PLXNA4: variants seen among roughly 807,000 people sequenced by gnomAD.
The protein encoded by PLXNA4 is plexin-A4.
A neutral mutation model predicts 191.8 loss-of-function variants in PLXNA4; 44 were observed. The observed-to-expected ratio is 0.23, with a 90% CI of 0.18 to 0.29. The LOEUF is 0.29. Ranked by LOEUF, PLXNA4 falls within the 10% of genes least tolerant of loss-of-function variation. PLXNA4 has a pLI of 1.00. For missense variants in PLXNA4, 1,800 were observed against 2,488.8 expected, an observed-to-expected ratio of 0.72 and a Z score of 5.89; for synonymous variants, 1,082 against 1,009.5, an observed-to-expected ratio of 1.07 and a Z score of -1.36.
chr7:132,426,046 GT>G (rs1795030863), intron 3 of PLXNA4, among the ~76,000 whole-genome samples: 1 of 152,236 alleles, frequency 6.6e-6, no homozygotes, highest in Non-Finnish European at 1.5e-5. Flanking sequence ...GCACAGGGCA[GT>G]TTCTGGTTGC....
chr7:132,152,040 T>C lies in PLXNA4; in HGVS notation c.4661-3394A>G, dbSNP rs116818808. 6.9e-3 allele frequency among the ~76,000 whole-genome samples: 1,048 copies of C among 152,314 alleles called. 10 individuals are homozygous for C. Among genetic ancestry groups the C allele is most frequent in the African/African-American group, 0.024 (988 of 41,554 alleles). On this transcript the variant is annotated intron_variant, in intron 25 of 31. Coordinates refer to ENST00000321063, the MANE Select transcript of PLXNA4 (RefSeq NM_020911.2). Reference sequence around the variant, plus strand: ...GGCCAGTTATGGTCTCTATTTTCCCTAGGCTCATCACGGAATGTCTCAAGA... The same window carrying C: ...GGCCAGTTATGGTCTCTATTTTCCCCAGGCTCATCACGGAATGTCTCAAGA...
chr7:132,430,678 T>C (rs1347974981), intron 3 of PLXNA4, among the ~76,000 whole-genome samples: 1 of 152,226 alleles, frequency 6.6e-6, no homozygotes, highest in Non-Finnish European at 1.5e-5. Flanking sequence ...GCTTGAGTGC[T>C]AACAACCCAG....
chr7:132,438,973 A>G (rs1795583549), intron 3 of PLXNA4, among the ~76,000 whole-genome samples: 1 of 152,190 alleles, frequency 6.6e-6, no homozygotes, highest in African/African-American at 2.4e-5. Context: ...CGTCCCTTTT[A>G]AACTCCATCA....
chr7:132,413,584 A>G (rs1191918977), intron 3 of PLXNA4, among the ~76,000 whole-genome samples: 1 of 152,200 alleles, frequency 6.6e-6, no homozygotes, highest in Non-Finnish European at 1.5e-5. Flanking sequence ...AATGGAAAAC[A>G]CACCTAAGCA....
At chr7:132,169,775 G>T (rs1016671473) in intron 21 of PLXNA4, among the ~76,000 whole-genome samples, 5 of 151,948 alleles carry the variant, frequency 3.3e-5, no homozygotes, top group African/African-American at 9.7e-5. Context: ...GGCTTGATGG[G>T]CATGTTCACT....
At position 132,179,811 on chromosome 7, in the gene PLXNA4, G is replaced by A; in HGVS notation, c.3750C>T (p.Ile1250=). The A allele has an allele frequency of 6.2e-7, 1 of 1,613,260 alleles. No individual in the cohort carries two copies. Among genetic ancestry groups the A allele is most frequent in the Non-Finnish European group, 8.5e-7 (1 of 1,179,944 alleles). Residue 1250 remains isoleucine, a synonymous_variant, in exon 20 of 32, where the codon ATC becomes ATT. Coordinates refer to ENST00000321063, the MANE Select transcript of PLXNA4 (RefSeq NM_020911.2). ...VSIAVAGGLL[I]IFIVAVLIAY... ...CAATGAGCACGGCCACGATGAAAATGATGAGGAGGCCGCCAGCCACTGCGA... is the reference window on the plus strand; with the variant it reads ...CAATGAGCACGGCCACGATGAAAATAATGAGGAGGCCGCCAGCCACTGCGA...
intron 2 of PLXNA4, among the ~76,000 whole-genome samples, chr7:132,621,659 T>C (rs549395008): frequency 2.6e-5 from 4 of 152,236 alleles, no homozygotes; most frequent in African/African-American, 9.6e-5. Context: ...AGAAATGAAA[T>C]TGCTGGGTCA....
At chr7:132,228,582 C>T (rs555114679) in intron 5 of PLXNA4, 113 bp from the exon 6 acceptor site, 29 of 1,356,892 alleles carry the variant, frequency 2.1e-5, no homozygotes, top group African/African-American at 7.2e-5. Context: ...AAACTCAATG[C>T]GCCCAGAGCT....
intron 5 of PLXNA4, among the ~76,000 whole-genome samples, chr7:132,233,810 G>T (rs1032556896): frequency 6.6e-6 from 1 of 152,240 alleles, no homozygotes; most frequent in African/African-American, 2.4e-5. Context: ...CTGGGTCCCT[G>T]ACTGGATTCT....
chr7:132,178,418 A>G (rs1796548356), intron 20 of PLXNA4, among the ~76,000 whole-genome samples: 1 of 152,126 alleles, frequency 6.6e-6, no homozygotes, highest in Non-Finnish European at 1.5e-5. Flanking sequence ...TTGGCTTTTT[A>G]TCAGTCTGCA....
At chr7:132,379,822 G>T (rs182536285) in intron 3 of PLXNA4, among the ~76,000 whole-genome samples, 4 of 152,338 alleles carry the variant, frequency 2.6e-5, no homozygotes, top group East Asian at 1.9e-4. Flanking sequence ...AACAATGAAA[G>T]ATAACATCCA....
At chr7:132,243,325 A>G (rs1562987889) in intron 4 of PLXNA4, among the ~76,000 whole-genome samples, 2 of 152,200 alleles carry the variant, frequency 1.3e-5, no homozygotes, top group Non-Finnish European at 2.9e-5. Flanking sequence ...GCCTTGCTCA[A>G]TCAAAAGCAT....
chr7:132,606,062 G>T (rs1362498263), intron 2 of PLXNA4, among the ~76,000 whole-genome samples: 2 of 152,214 alleles, frequency 1.3e-5, no homozygotes, highest in African/African-American at 4.8e-5. Flanking sequence ...TACAAGGGAG[G>T]CTGAGGCACG....
chr7:132,579,523 CTTT>C (rs540721748), upstream of PLXNA4, among the ~76,000 whole-genome samples: 32 of 126,182 alleles, frequency 2.5e-4, no homozygotes, highest in African/African-American at 8.0e-4. Flanking sequence ...AGTCAAAGAC[CTTT>C]TTTTTTTTTT....
At chr7:132,376,488 C>T (rs1804663116) in intron 3 of PLXNA4, among the ~76,000 whole-genome samples, 1 of 152,202 alleles carries the variant, frequency 6.6e-6, no homozygotes, top group African/African-American at 2.4e-5. Flanking sequence ...GCCCTTCAAA[C>T]TCAGCAACTA....
At chr7:132,337,750 T>A (rs1013726379) in intron 3 of PLXNA4, among the ~76,000 whole-genome samples, 1 of 152,198 alleles carries the variant, frequency 6.6e-6, no homozygotes, top group Admixed American at 6.5e-5. Flanking sequence ...ATAATGAGCT[T>A]AAGGGAGTAT....
intron 2 of PLXNA4, among the ~76,000 whole-genome samples, chr7:132,620,915 T>C (rs1273133241): frequency 2.6e-5 from 4 of 152,202 alleles, no homozygotes; most frequent in Non-Finnish European, 5.9e-5. Context: ...ACCAATTTAG[T>C]ATCCAGTAAA....
At chr7:132,299,909 G>A (rs2116512259) in intron 3 of PLXNA4, among the ~76,000 whole-genome samples, 1 of 152,304 alleles carries the variant, frequency 6.6e-6, no homozygotes, top group East Asian at 1.9e-4. Flanking sequence ...GAATGAACTT[G>A]CGGCTCAAAG....
chr7:132,623,925 C>T (rs1803321996), intron 2 of PLXNA4, among the ~76,000 whole-genome samples: 1 of 152,218 alleles, frequency 6.6e-6, no homozygotes, highest in East Asian at 1.9e-4. Context: ...GTATCCATCA[C>T]ATATCAGGCA....
Sources: gnomAD v4.1 joint callset for allele counts (sites outside exome capture counted in the v4.1 genomes callset) on GRCh38, gnomAD v4.1.1 for gene constraint, MANE v1.5 for transcripts, NCBI Gene and HGNC (gene_info 2026-07-23, HGNC 2026-07-21) for gene names.